RPE: variants seen among roughly 807,000 people sequenced by gnomAD.
RPE encodes the protein ribulose-5-phosphate-3-epimerase.
RPE carries 16 observed loss-of-function variants against 24.6 expected under a neutral mutation model. The ratio of observed to expected loss-of-function variants is 0.65; its 90% CI spans 0.44 to 0.99. RPE has a LOEUF of 0.99. RPE is among the 50% of genes least tolerant of loss of function. The pLI is 0.00. For missense variants in RPE, 240 were observed against 294.5 expected, an observed-to-expected ratio of 0.81 and a Z score of 1.35; for synonymous variants, 93 against 98.4, an observed-to-expected ratio of 0.94 and a Z score of 0.33.
intron 1 of RPE, among the ~76,000 whole-genome samples, chr2:210,008,571 G>A (rs2093661394): frequency 7.3e-6 from 1 of 137,198 alleles, no homozygotes; most frequent in South Asian, 2.6e-4. Context: ...GGGATTACAG[G>A]TGTGAGCCAC....
intron 2 of RPE, among the ~76,000 whole-genome samples, chr2:210,015,442 GC>G (rs2093758052): frequency 6.6e-6 from 1 of 152,092 alleles, no homozygotes; most frequent in Non-Finnish European, 1.5e-5. Context: ...CATATTAACT[GC>G]CAACCTAGTG....
chr2:210,006,645 C>T (rs1007570116), intron 1 of RPE, among the ~76,000 whole-genome samples: 4 of 152,002 alleles, frequency 2.6e-5, no homozygotes, highest in South Asian at 4.1e-4. Flanking sequence ...GTTAAGACAA[C>T]GAAACTATTT....
chr2:210,015,881 AT>A (rs2093764251), intron 2 of RPE, 91 bp from the exon 3 acceptor site: 6 of 1,353,430 alleles, frequency 4.4e-6, no homozygotes, highest in Non-Finnish European at 6.1e-6. Context: ...AAGAGTTCTT[AT>A]CAGAAGTGGC....
chr2:210,017,945 A>G (rs544669546), intron 5 of RPE: 58 of 562,298 alleles, frequency 1.0e-4, no homozygotes, highest in Middle Eastern at 4.8e-4. Context: ...GGGTTTCACT[A>G]TGTTGGCCAG....
At chr2:210,006,684 A>AGTATGT (rs1321236265) in intron 1 of RPE, among the ~76,000 whole-genome samples, 1 of 152,274 alleles carries the variant, frequency 6.6e-6, no homozygotes, top group East Asian at 1.9e-4. Context: ...TTAAAAGAAC[A>AGTATGT]GTATGTGAAA....
chr2:210,008,303 T>C (rs1451626858), intron 1 of RPE, among the ~76,000 whole-genome samples: 1 of 150,478 alleles, frequency 6.6e-6, no homozygotes, highest in African/African-American at 2.4e-5. Flanking sequence ...TTTTTTTTTT[T>C]TTTTTTTTTT....
rs147608388 is a variant in RPE, at chr2:210,019,754, G to A, written c.650G>A (p.Cys217Tyr). The change falls in exon 6 of 6, where the codon TGC (cysteine) becomes TAC (tyrosine). Residue 217 changes from cysteine to tyrosine, a missense_variant. By Grantham distance (194) the Cys-to-Tyr change is radical. Transcript: ENST00000359429. ...RSVINLLRNV[C>Y]SEAAQKRSLD... ...GTGATCAATCTATTAAGAAATGTTT[G>A]CTCAGAAGCTGCTCAGAAACGTTCT... The A allele has an allele frequency of 1.9e-6, 3 of 1,613,084 alleles. No homozygotes were observed. Among genetic ancestry groups the A allele is most frequent in the Non-Finnish European group, 2.5e-6 (3 of 1,179,422 alleles).
chr2:210,016,564 C>G lies in RPE; in HGVS notation c.400C>G (p.Gln134Glu). The G allele has an allele frequency of 6.2e-7, 1 of 1,614,194 alleles. No homozygotes were observed. Among genetic ancestry groups the G allele is most frequent in the Non-Finnish European group, 8.5e-7 (1 of 1,180,040 alleles). Reference protein sequence around the residue: ...SVEYLAPWANQIDMALVMTVE... With the variant: ...SVEYLAPWANEIDMALVMTVE... ...TGAGTATTTGGCACCATGGGCTAAT[C>G]AGATAGATATGGCCTTGGTTATGAC... The change falls in exon 4 of 6, where the codon CAG becomes GAG. Residue 134 changes from glutamine to glutamate, a missense_variant. Coordinates refer to ENST00000359429, the MANE Select transcript of RPE (RefSeq NM_199229.3).
chr2:210,003,197 G>T (rs1222090086), intron 1 of RPE, among the ~76,000 whole-genome samples: 2 of 152,148 alleles, frequency 1.3e-5, no homozygotes, highest in Non-Finnish European at 2.9e-5. Context: ...TGGCACCTGC[G>T]GTTAGGTTCC....
chr2:210,010,274 A>G (rs899879924), intron 2 of RPE, among the ~76,000 whole-genome samples: 1 of 152,076 alleles, frequency 6.6e-6, no homozygotes, highest in African/African-American at 2.4e-5. Context: ...TGGTGCCTAA[A>G]TATTCACTCC....
At chr2:210,003,939 A>G (rs1421903797) in intron 1 of RPE, among the ~76,000 whole-genome samples, 1 of 152,238 alleles carries the variant, frequency 6.6e-6, no homozygotes, top group Admixed American at 6.5e-5. Flanking sequence ...AACTTTGACC[A>G]TAGAGTACTA....
Position 210,011,084 on chromosome 2 carries a change from T to C in RPE, c.202+1348T>C, listed in dbSNP as rs560406184. 3.9e-5 allele frequency among the ~76,000 whole-genome samples: 6 copies of C among 152,316 alleles called. No homozygotes were observed. In the East Asian group the frequency reaches 9.6e-4, roughly 24 times the overall value. On this transcript the variant is annotated intron_variant, in intron 2 of 5. Coordinates refer to ENST00000359429, the MANE Select transcript of RPE (RefSeq NM_199229.3). The stretch of plus-strand genomic sequence containing the variant: ...TGTTGAATATAGTCTCCAGCCTCTG[T>C]GTAGGATCTATCTACTTTGAGTTCA...
intron 4 of RPE, 84 bp from the exon 5 acceptor site, chr2:210,017,389 T>C (rs905894978): frequency 3.6e-6 from 4 of 1,117,696 alleles, no homozygotes; most frequent in Non-Finnish European, 5.3e-6. Context: ...TGCTGTTGGA[T>C]TTTTTTGTTT....
intron 1 of RPE, among the ~76,000 whole-genome samples, chr2:210,003,104 A>C (rs1285601263): frequency 6.6e-6 from 1 of 152,186 alleles, no homozygotes; most frequent in Non-Finnish European, 1.5e-5. Context: ...ACTGAGGCCC[A>C]AGGGGAGAAG....
intron 2 of RPE, 37 bp from the exon 3 acceptor site, chr2:210,015,936 T>A: frequency 6.2e-7 from 1 of 1,604,178 alleles, no homozygotes; most frequent in Non-Finnish European, 8.5e-7. Flanking sequence ...GAGCCAGGTA[T>A]TTTTCAGTAA....
chr2:210,009,497 A>G, intron 1 of RPE, 160 bp from the exon 2 acceptor site: 1 of 951,896 alleles, frequency 1.1e-6, no homozygotes, highest in Non-Finnish European at 1.6e-6. Context: ...AGTAAAACCA[A>G]AATGACCCAT....
rs1444483367 is a variant in RPE at position 210,017,730 on chromosome 2, ATGCTTTT to A, written c.564+173_564+179del. 127 of 376,394 alleles carry A rather than the reference ATGCTTTT, an allele frequency of 3.4e-4. 4 individuals carry two copies. Among genetic ancestry groups the A allele is most frequent in the Middle Eastern group, 2.1e-3 (3 of 1,398 alleles). 23.3% of individuals were successfully genotyped at this position (376,394 alleles called of 1,614,324 possible). On this transcript the variant is annotated intron_variant, in intron 5 of 5. Coordinates refer to ENST00000359429, the MANE Select transcript of RPE (RefSeq NM_199229.3). ...GGAAAATAAACAGCCATAAGTGGATATGCTTTTTTTTTTTTTTTTTTTTTTTCTTTTT... is the reference window on the plus strand; with the variant it reads ...GGAAAATAAACAGCCATAAGTGGATATTTTTTTTTTTTTTTTTTTCTTTTT...
At chr2:210,019,601 C>A in intron 5 of RPE, 68 bp from the exon 6 acceptor site, 1 of 1,565,886 alleles carries the variant, frequency 6.4e-7, no homozygotes, top group African/African-American at 1.4e-5. Flanking sequence ...CACTCTAGTC[C>A]AGGAATTCTG....
At chr2:210,011,753 C>G (rs1411778178) in intron 2 of RPE, among the ~76,000 whole-genome samples, 1 of 151,928 alleles carries the variant, frequency 6.6e-6, no homozygotes, top group African/African-American at 2.4e-5. Flanking sequence ...CTCACTGCAT[C>G]CTTGAACTCC....
Sources: gnomAD v4.1 joint callset for allele counts (sites outside exome capture counted in the v4.1 genomes callset) on GRCh38, gnomAD v4.1.1 for gene constraint, MANE v1.5 for transcripts, NCBI Gene and HGNC (gene_info 2026-07-23, HGNC 2026-07-21) for gene names.